SCHIP1: variants seen among roughly 807,000 people sequenced by gnomAD.
The protein encoded by SCHIP1 is schwannomin-interacting protein 1.
SCHIP1 carries 8 observed loss-of-function variants against 29.7 expected under a neutral mutation model. That is an observed-to-expected ratio of 0.27 (90% CI 0.16 to 0.49). The LOEUF (loss-of-function observed/expected upper bound fraction) is 0.49. Ranked by LOEUF, SCHIP1 falls within the 20% of genes least tolerant of loss-of-function variation. The pLI, the probability that SCHIP1 is intolerant of heterozygous loss-of-function variation, is 0.99. For synonymous variants in SCHIP1, 76 were observed against 94.9 expected, an observed-to-expected ratio of 0.80 and a Z score of 1.16; for missense variants, 193 against 294.6, an observed-to-expected ratio of 0.66 and a Z score of 2.52.
At chr3:159,448,236 G>A in the SCHIP1 span, among the ~76,000 whole-genome samples, 1 of 152,206 alleles carries the variant, frequency 6.6e-6, no homozygotes, top group Non-Finnish European at 1.5e-5. Flanking sequence ...CACTTTGGGA[G>A]GCTGAGGCGG....
chr3:159,410,124 T>A, the SCHIP1 span, among the ~76,000 whole-genome samples: 1 of 152,078 alleles, frequency 6.6e-6, no homozygotes, highest in Non-Finnish European at 1.5e-5. Context: ...AACAATCAAA[T>A]CAAAATTGAC....
chr3:159,582,502 A>G, the SCHIP1 span, among the ~76,000 whole-genome samples: 5 of 152,112 alleles, frequency 3.3e-5, no homozygotes, highest in African/African-American at 4.8e-5. Context: ...TTTTAGCAAT[A>G]AAGTATTTTT....
the SCHIP1 span, among the ~76,000 whole-genome samples, chr3:159,563,616 C>T: frequency 1.3e-5 from 2 of 152,056 alleles, no homozygotes; most frequent in African/African-American, 2.4e-5. Context: ...ATCATGTGAG[C>T]CCCAGAGTTC....
chr3:159,406,859 C>T, the SCHIP1 span, among the ~76,000 whole-genome samples: 1 of 152,002 alleles, frequency 6.6e-6, no homozygotes, highest in Non-Finnish European at 1.5e-5. Context: ...TTGCAATACT[C>T]ATGGTAATCT....
the SCHIP1 span, among the ~76,000 whole-genome samples, chr3:159,619,609 A>C: frequency 1.3e-5 from 2 of 152,222 alleles, no homozygotes; most frequent in African/African-American, 4.8e-5. Flanking sequence ...CTGCCAAACA[A>C]AGGCTGCAGA....
chr3:159,807,317 T>C, the SCHIP1 span, among the ~76,000 whole-genome samples: 7 of 152,176 alleles, frequency 4.6e-5, no homozygotes, highest in Non-Finnish European at 1.5e-5. Flanking sequence ...GCTGGCTTAG[T>C]CACACTGATG....
chr3:159,553,923 C>G, the SCHIP1 span, among the ~76,000 whole-genome samples: 1 of 151,776 alleles, frequency 6.6e-6, no homozygotes, highest in African/African-American at 2.4e-5. Flanking sequence ...GCCTCAGCCT[C>G]CTGAGTAGCT....
exon 1 of SCHIP1, chr3:159,840,081 T>A: frequency 6.6e-7 from 1 of 1,524,106 alleles, no homozygotes; most frequent in Non-Finnish European, 8.8e-7. Context: ...AGCCCCTGCC[T>A]TACCAGGGCG....
chr3:159,371,646 C>G, the SCHIP1 span, among the ~76,000 whole-genome samples: 1 of 152,112 alleles, frequency 6.6e-6, no homozygotes. Flanking sequence ...GTTCCTGGAC[C>G]TACCAAGGAT....
the SCHIP1 span, among the ~76,000 whole-genome samples, chr3:159,630,809 C>T: frequency 6.6e-6 from 1 of 152,104 alleles, no homozygotes; most frequent in African/African-American, 2.4e-5. Flanking sequence ...TCTCAGAAAT[C>T]GCCACTAAAG....
chr3:159,382,786 A>G, the SCHIP1 span, among the ~76,000 whole-genome samples: 1 of 152,140 alleles, frequency 6.6e-6, no homozygotes, highest in Non-Finnish European at 1.5e-5. Context: ...TTGACCTTTT[A>G]ATGATTGCCA....
chr3:159,438,882 G>C, the SCHIP1 span, among the ~76,000 whole-genome samples: 1 of 152,078 alleles, frequency 6.6e-6, no homozygotes, highest in Non-Finnish European at 1.5e-5. Context: ...TCTCTATCCT[G>C]TCTATCACTG....
chr3:159,468,589 T>C, the SCHIP1 span, among the ~76,000 whole-genome samples: 1 of 151,328 alleles, frequency 6.6e-6, no homozygotes, highest in Non-Finnish European at 1.5e-5. Context: ...TTAAACAATG[T>C]CAATATTCTA....
At chr3:159,712,223 C>G in the SCHIP1 span, among the ~76,000 whole-genome samples, 1 of 152,168 alleles carries the variant, frequency 6.6e-6, no homozygotes, top group Non-Finnish European at 1.5e-5. Flanking sequence ...TCTGACTGCC[C>G]AGCTTAGAAA....
chr3:159,379,517 C>T, the SCHIP1 span, among the ~76,000 whole-genome samples: 1 of 152,208 alleles, frequency 6.6e-6, no homozygotes, highest in Non-Finnish European at 1.5e-5. Flanking sequence ...GCCACCTTGC[C>T]CAGCCAATAA....
At chr3:159,537,523 C>CCT in the SCHIP1 span, among the ~76,000 whole-genome samples, 2 of 152,264 alleles carry the variant, frequency 1.3e-5, no homozygotes, top group East Asian at 3.9e-4. Context: ...TCCAGAGTTT[C>CCT]TTTCTTATTA....
the SCHIP1 span, among the ~76,000 whole-genome samples, chr3:159,437,873 T>A: frequency 2.0e-5 from 3 of 152,146 alleles, no homozygotes; most frequent in Non-Finnish European, 4.4e-5. Context: ...AGCATAGGCA[T>A]CAAGAACACC....
chr3:159,551,445 T>C, the SCHIP1 span, among the ~76,000 whole-genome samples: 1 of 152,214 alleles, frequency 6.6e-6, no homozygotes, highest in Non-Finnish European at 1.5e-5. Flanking sequence ...CCTTTATCAC[T>C]AGCTTTAGTG....
At chr3:159,690,008 T>C in the SCHIP1 span, among the ~76,000 whole-genome samples, 1 of 152,226 alleles carries the variant, frequency 6.6e-6, no homozygotes, top group Non-Finnish European at 1.5e-5. Flanking sequence ...GCCAGTATTT[T>C]ATTGAGGATT....
Sources: gnomAD v4.1 joint callset for allele counts (sites outside exome capture counted in the v4.1 genomes callset) on GRCh38, gnomAD v4.1.1 for gene constraint, MANE v1.5 for transcripts, NCBI Gene and HGNC (gene_info 2026-07-23, HGNC 2026-07-21) for gene names.